PSPH: variants seen among roughly 807,000 people sequenced by gnomAD.
The protein encoded by PSPH is L-3-phosphoserine phosphatase.
Under a neutral mutation model 23.4 loss-of-function variants are expected in PSPH, and 16 were observed. The observed-to-expected ratio is 0.68, with a 90% CI of 0.46 to 1.04. The LOEUF is 1.04. PSPH is among the 50% of genes least tolerant of loss of function. PSPH has a pLI of 0.00. For synonymous variants in PSPH, 68 were observed against 99.7 expected (o/e 0.68, Z 1.89); for missense variants, 223 against 273.7 (o/e 0.81, Z 1.31).
At chr7:56,031,307 C>T (rs1367619969) in intron 3 of PSPH, among the ~76,000 whole-genome samples, 3 of 152,040 alleles carry the variant, frequency 2.0e-5, no homozygotes, top group Non-Finnish European at 2.9e-5. Flanking sequence ...TGAGAAACTA[C>T]CTACTGGGTA....
chr7:56,047,833 AT>A (rs1443568649), intron 1 of PSPH, among the ~76,000 whole-genome samples: 4 of 152,018 alleles, frequency 2.6e-5, no homozygotes, highest in Non-Finnish European at 5.9e-5. Flanking sequence ...TGCCCAGTTA[AT>A]TTTTTGTATT....
chr7:56,045,072 C>CAAAAAAAA (rs35552809), intron 1 of PSPH, among the ~76,000 whole-genome samples: 1 of 117,360 alleles, frequency 8.5e-6, no homozygotes, highest in Non-Finnish European at 1.7e-5. Flanking sequence ...AACTCTGCCT[C>CAAAAAAAA]AAAAAAAAAA....
At chr7:56,022,109 C>T (rs1243216284) in intron 3 of PSPH, among the ~76,000 whole-genome samples, 2 of 152,024 alleles carry the variant, frequency 1.3e-5, no homozygotes. Context: ...AGGAGGATTG[C>T]TTGAGGCCAG....
Position 56,019,733 on chromosome 7 carries a change from T to C in PSPH, c.142A>G (p.Thr48Ala), listed in dbSNP as rs780036857. The C allele has an allele frequency of 5.0e-6, 8 of 1,613,042 alleles. No homozygotes were observed. The highest frequency in any genetic ancestry group is 5.9e-6 in the Non-Finnish European group (7 of 1,179,834). Residue 48 changes from threonine to alanine, a missense_variant and splice_region_variant, in exon 5 of 8, where the codon ACA becomes GCA. Thr to Ala is a moderately conservative substitution (Grantham distance 58). Coordinates refer to ENST00000275605, the MANE Select transcript of PSPH (RefSeq NM_004577.4). ...CGVEDAVSEM[T>A]RRAMGGAVPF... ...ACTGCCCCGCCCATGGCTCGCCGTGTCCTAGGAGGGAGACCCAACAGTCAG... is the reference window on the plus strand; with the variant it reads ...ACTGCCCCGCCCATGGCTCGCCGTGCCCTAGGAGGGAGACCCAACAGTCAG...
In PSPH at chr7:56,017,039, G is replaced by C. The variant is rs538097923; in HGVS notation, c.421+195C>G. On this transcript the variant is annotated intron_variant, in intron 6 of 7. Transcript: ENST00000275605. ...GACAGGTGATGTTATAGATACCAAA[G>C]CTAGGACAGGTGATGACCTAAGTCT... Among the ~76,000 whole-genome samples, 33 of 152,300 alleles carry C rather than the reference G, an allele frequency of 2.2e-4. 1 individual carries two copies. Among genetic ancestry groups the C allele is most frequent in the African/African-American group, 7.7e-4 (32 of 41,568 alleles).
chr7:56,034,783 T>C (rs1478431102), intron 1 of PSPH, among the ~76,000 whole-genome samples: 1 of 152,056 alleles, frequency 6.6e-6, no homozygotes, highest in Admixed American at 6.6e-5. Context: ...CCCAAAGTGC[T>C]GGGATTACAG....
chr7:56,019,656 C>T lies in PSPH; in HGVS notation c.219G>A (p.Arg73=), dbSNP rs778685701. The T allele has an allele frequency of 1.9e-6, 3 of 1,613,932 alleles. No homozygotes were observed. The South Asian group carries it at 3.3e-5, about 18-fold the overall frequency. ...TERLALIQPS[R]EQVQRLIAEQ... ...CTGCTATGAGTCTCTGCACCTGCTC[C>T]CTGGAGGGCTGGATGAGGGCTAAGC... The change falls in exon 5 of 8, where the codon AGG becomes AGA. Residue 73 remains arginine, a synonymous_variant. Transcript: ENST00000275605.
chr7:56,015,020 T>C lies in PSPH; in HGVS notation c.570+3A>G. 6.2e-7 allele frequency: 1 copy of C among 1,613,742 alleles called. No individual in the cohort carries two copies. The highest frequency in any genetic ancestry group is 8.5e-7 in the Non-Finnish European group (1 of 1,179,820). ...AAAAAAAATTAGCACCCTTAATACA[T>C]ACAGCAGGAGGACAGGCTTCCATAT... On this transcript the variant is annotated splice_donor_region_variant and intron_variant, in intron 7 of 7. Coordinates refer to ENST00000275605, the MANE Select transcript of PSPH (RefSeq NM_004577.4).
At chr7:56,042,568 T>A (rs900227482) in intron 1 of PSPH, among the ~76,000 whole-genome samples, 1 of 151,644 alleles carries the variant, frequency 6.6e-6, no homozygotes, top group Non-Finnish European at 1.5e-5. Context: ...GGAGGAAAGC[T>A]TGAGCCCAGG....
chr7:56,012,715 G>C (rs1297969707), intron 7 of PSPH, among the ~76,000 whole-genome samples: 1 of 150,020 alleles, frequency 6.7e-6, no homozygotes, highest in Non-Finnish European at 1.5e-5. Context: ...CCTGAGGTCA[G>C]GAGTTTGACA....
chr7:56,027,771 G>A (rs1056309395), intron 3 of PSPH, among the ~76,000 whole-genome samples: 6 of 150,608 alleles, frequency 4.0e-5, no homozygotes, highest in Non-Finnish European at 7.4e-5. Flanking sequence ...GAGATTGGCC[G>A]AGTGCAGTGG....
At chr7:56,028,976 C>A (rs1196341261) in intron 3 of PSPH, among the ~76,000 whole-genome samples, 2 of 151,954 alleles carry the variant, frequency 1.3e-5, no homozygotes, top group African/African-American at 4.8e-5. Flanking sequence ...CCACGCCTGG[C>A]TAATTCTTCT....
intron 3 of PSPH, among the ~76,000 whole-genome samples, chr7:56,030,711 C>T (rs1340923461): frequency 1.3e-5 from 2 of 150,756 alleles, no homozygotes; most frequent in Non-Finnish European, 2.9e-5. Flanking sequence ...CCAGCCTGGC[C>T]AACATGGTGA....
rs143921178 is a variant in PSPH at position 56,021,656 on chromosome 7, C to T, written c.-19-425G>A. On this transcript the variant is annotated intron_variant, in intron 3 of 7. Coordinates refer to ENST00000275605, the MANE Select transcript of PSPH (RefSeq NM_004577.4). ...TGTAGTGAGGAAGCAAGCATTAAAG[C>T]GGAGGTGTGAGGCCGGGCGCGGTGG... 5.5e-3 allele frequency among the ~76,000 whole-genome samples: 824 copies of T among 149,318 alleles called. 10 individuals are homozygous for T. The highest frequency in any genetic ancestry group is 0.018 in the African/African-American group (731 of 40,718).
chr7:56,028,876 T>C (rs1051058360), intron 3 of PSPH, among the ~76,000 whole-genome samples: 3 of 152,088 alleles, frequency 2.0e-5, no homozygotes, highest in African/African-American at 7.2e-5. Flanking sequence ...TGGAGTGCAG[T>C]GATGTGATCT....
chr7:56,022,700 A>G (rs1231294949), intron 3 of PSPH, among the ~76,000 whole-genome samples: 1 of 152,324 alleles, frequency 6.6e-6, no homozygotes, highest in East Asian at 1.9e-4. Context: ...AGAGCTAAAT[A>G]TGAGGGCTAA....
intron 2 of PSPH, 83 bp downstream of exon 2, chr7:56,033,878 T>TC (rs1441413384): frequency 6.6e-6 from 1 of 152,172 alleles, no homozygotes; most frequent in East Asian, 1.9e-4. Context: ...AAATGTAGAC[T>TC]CAGAGAGGAA....
chr7:56,014,785 A>T (rs535474300), intron 7 of PSPH, among the ~76,000 whole-genome samples: 1 of 152,278 alleles, frequency 6.6e-6, no homozygotes, highest in African/African-American at 2.4e-5. Flanking sequence ...CTCTACTAAA[A>T]ATACAAAACT....
chr7:56,013,474 C>T (rs1357461575), intron 7 of PSPH, among the ~76,000 whole-genome samples: 1 of 151,908 alleles, frequency 6.6e-6, no homozygotes, highest in Non-Finnish European at 1.5e-5. Flanking sequence ...GCTGAGATTG[C>T]ACCACTGCAC....
Sources: allele counts gnomAD v4.1 joint callset (sites outside exome capture counted in the v4.1 genomes callset), GRCh38; gene constraint gnomAD v4.1.1; transcripts MANE v1.5; gene names NCBI Gene and HGNC (gene_info 2026-07-23, HGNC 2026-07-21).